Variants in NUB1 observed in about 807,000 individuals in gnomAD.
NUB1 encodes negative regulator of ubiquitin like proteins 1, also known as NEDD8 ultimate buster 1.
In NUB1, 41 loss-of-function variants were observed where a neutral mutation model predicts 77.1. That is an observed-to-expected ratio of 0.53 (90% confidence interval 0.41 to 0.69). The LOEUF is 0.69. Among genes scored for constraint, NUB1 ranks in the 30% least tolerant of loss-of-function variants. The probability of loss-of-function intolerance (pLI) is 0.00; values close to 1 mark genes in which losing one functional copy is unlikely to be tolerated. For missense variants in NUB1, 643 were observed against 743.8 expected, an observed-to-expected ratio of 0.86 and a Z score of 1.58; for synonymous variants, 257 against 281.0, an observed-to-expected ratio of 0.91 and a Z score of 0.85.
At chr7:151,345,079 C>G (rs1180257058) in intron 1 of NUB1, among the ~76,000 whole-genome samples, 2 of 152,066 alleles carry the variant, frequency 1.3e-5, no homozygotes, top group Non-Finnish European at 2.9e-5. Context: ...AAGAGAATAG[C>G]AGATTAAGAA....
intron 8 of NUB1, among the ~76,000 whole-genome samples, chr7:151,361,953 T>C (rs1292078282): frequency 6.6e-6 from 1 of 152,202 alleles, no homozygotes; most frequent in African/African-American, 2.4e-5. Flanking sequence ...TTTTTTATTA[T>C]GGAAAATTTC....
intron 7 of NUB1, among the ~76,000 whole-genome samples, chr7:151,359,679 A>G (rs1182244941): frequency 6.6e-6 from 1 of 152,056 alleles, no homozygotes; most frequent in Non-Finnish European, 1.5e-5. Context: ...CGGCAGGCTG[A>G]GGCAGGAGAA....
intron 3 of NUB1, chr7:151,351,151 G>A: frequency 2.5e-6 from 1 of 402,774 alleles, no homozygotes; most frequent in Non-Finnish European, 4.4e-6. Context: ...TGGTGGAAAT[G>A]TTCTGAAATG....
chr7:151,374,852 T>A lies in NUB1; in HGVS notation c.1395+609T>A, dbSNP rs113758600. On this transcript the variant is annotated intron_variant, in intron 12 of 14. Coordinates refer to ENST00000568733, the MANE Select transcript of NUB1 (RefSeq NM_001243351.2). ...CCCTCTGCCCTCTCGGCCCCGCAGG[T>A]CAGTGAGAGACAAACTCAGAGCACA... Among the ~76,000 whole-genome samples, 649 of 152,072 alleles carry A rather than the reference T, an allele frequency of 4.3e-3. 8 individuals are homozygous for A. Among genetic ancestry groups the A allele is most frequent in the African/African-American group, 0.015 (611 of 41,470 alleles).
rs1798149076 is a variant in NUB1 at position 151,375,043 on chromosome 7, G to A, written c.1395+800G>A. Reference sequence around the variant, plus strand: ...GCGGGGCTGGGGGGACAGAGATGGGGTTGGAGGGGGTGGGGTGCAGGGCAG... The same window carrying A: ...GCGGGGCTGGGGGGACAGAGATGGGATTGGAGGGGGTGGGGTGCAGGGCAG... On this transcript the variant is annotated intron_variant, in intron 12 of 14. Transcript: ENST00000568733. Among the ~76,000 whole-genome samples, 3 of 118,136 alleles carry A rather than the reference G, an allele frequency of 2.5e-5. 1 individual carries two copies. Among genetic ancestry groups the A allele is most frequent in the Non-Finnish European group, 5.3e-5 (3 of 56,804 alleles). 77.5% of individuals were successfully genotyped at this position (118,136 alleles called of 152,430 possible).
chr7:151,355,207 A>G (rs901071053), intron 5 of NUB1, among the ~76,000 whole-genome samples: 2 of 152,218 alleles, frequency 1.3e-5, no homozygotes, highest in African/African-American at 4.8e-5. Context: ...AGATTATCAA[A>G]TATCTGTTGC....
Position 151,377,412 on chromosome 7 carries a change from T to G in NUB1, c.*187T>G, listed in dbSNP as rs1227118069. On this transcript the variant is annotated 3_prime_UTR_variant, in exon 15 of 15. Coordinates refer to ENST00000568733, the MANE Select transcript of NUB1 (RefSeq NM_001243351.2). ...TCATGCGTGGTCTCGGGGAAGAAGC[T>G]TCCTCTGGCCTGGCGCAGGCCGTTC... 4 of 462,696 alleles carry G rather than the reference T, an allele frequency of 8.6e-6. No individual in the cohort carries two copies. The highest frequency in any genetic ancestry group is 7.6e-6 in the Non-Finnish European group (2 of 262,666). 28.7% of individuals were successfully genotyped at this position (462,696 alleles called of 1,614,324 possible). A position where few individuals can be genotyped will look rare whatever the true frequency, so the allele number is the denominator to read the frequency against.
intron 1 of NUB1, among the ~76,000 whole-genome samples, chr7:151,342,805 G>A (rs1237984918): frequency 2.6e-5 from 4 of 152,066 alleles, no homozygotes; most frequent in Non-Finnish European, 5.9e-5. Flanking sequence ...TCTGTCAAGT[G>A]GTGGCTTGGA....
intron 7 of NUB1, among the ~76,000 whole-genome samples, chr7:151,359,000 G>C (rs1797225142): frequency 6.6e-6 from 1 of 151,940 alleles, no homozygotes; most frequent in Non-Finnish European, 1.5e-5. Context: ...GGGAGGCAGA[G>C]GTTGCAGTGA....
chr7:151,357,608 GTT>G (rs111661341), intron 7 of NUB1, among the ~76,000 whole-genome samples: 15 of 143,174 alleles, frequency 1.0e-4, no homozygotes, highest in African/African-American at 2.8e-4. Flanking sequence ...AAAGATTAAA[GTT>G]TTTTTTTTTT....
chr7:151,373,568 C>T (rs1798055621), intron 11 of NUB1, among the ~76,000 whole-genome samples: 1 of 152,226 alleles, frequency 6.6e-6, no homozygotes. Flanking sequence ...CCTCAGAAGG[C>T]CCTGGAGTCC....
At chr7:151,343,990 G>A (rs1258114592) in intron 1 of NUB1, among the ~76,000 whole-genome samples, 1 of 151,622 alleles carries the variant, frequency 6.6e-6, no homozygotes, top group Non-Finnish European at 1.5e-5. Flanking sequence ...GACCATCCTG[G>A]CCAACACGGT....
intron 8 of NUB1, among the ~76,000 whole-genome samples, chr7:151,366,556 GC>G (rs1797695443): frequency 6.6e-6 from 1 of 152,030 alleles, no homozygotes; most frequent in Non-Finnish European, 1.5e-5. Context: ...CGTTGCTCTG[GC>G]CCAGGTGATG....
intron 7 of NUB1, among the ~76,000 whole-genome samples, chr7:151,357,183 ATTTTT>A (rs59119243): frequency 1.1e-4 from 15 of 134,408 alleles, no homozygotes; most frequent in Non-Finnish European, 8.0e-5. Context: ...TGTCCAGCTA[ATTTTT>A]TTTTTTTTTT....
At position 151,377,286 on chromosome 7, in the gene NUB1, A is replaced by G; in HGVS notation, c.*61A>G. The G allele has an allele frequency of 9.0e-7, 1 of 1,113,358 alleles. No individual in the cohort carries two copies. The highest frequency in any genetic ancestry group is 1.7e-5 in the South Asian group (1 of 58,614). 69.0% of individuals were successfully genotyped at this position (1,113,358 alleles called of 1,614,324 possible). A position where few individuals can be genotyped will look rare whatever the true frequency, so the allele number is the denominator to read the frequency against. ...AAATGCTATCATTATGAAAAGGCTA[A>G]TGCAGCTCTTTCTGTTCTTACTTTT... On this transcript the variant is annotated 3_prime_UTR_variant, in exon 15 of 15. Coordinates refer to ENST00000568733, the MANE Select transcript of NUB1 (RefSeq NM_001243351.2).
At chr7:151,365,210 TAA>T (rs1430147874) in intron 8 of NUB1, among the ~76,000 whole-genome samples, 1 of 152,034 alleles carries the variant, frequency 6.6e-6, no homozygotes, top group Admixed American at 6.5e-5. Flanking sequence ...TATATAATAA[TAA>T]GTGTTGATTT....
chr7:151,376,361 G>A (rs903832071), intron 13 of NUB1: 16 of 501,552 alleles, frequency 3.2e-5, no homozygotes, highest in East Asian at 9.9e-5. Context: ...CGCGGTGCTC[G>A]TGGTGAGGCT....
At chr7:151,352,619 A>T (rs896195246) in intron 4 of NUB1, among the ~76,000 whole-genome samples, 193 bp from the exon 5 acceptor site, 4 of 152,008 alleles carry the variant, frequency 2.6e-5, no homozygotes, top group African/African-American at 9.7e-5. Flanking sequence ...ATTTTTAAAA[A>T]TTTTTTGTAG....
chr7:151,349,262 G>T lies in NUB1; in HGVS notation c.285+22G>T, dbSNP rs367952673. ...AAAAGTGAGTAATTTCCCTAAATTTGAGTAGGCACTAATGTCCAGTTAGTG... is the reference window on the plus strand; with the variant it reads ...AAAAGTGAGTAATTTCCCTAAATTTTAGTAGGCACTAATGTCCAGTTAGTG... On this transcript the variant is annotated intron_variant, in intron 3 of 14. Transcript: ENST00000568733. 26 of 1,591,458 alleles carry T rather than the reference G, an allele frequency of 1.6e-5. No individual in the cohort carries two copies. The East Asian group carries it at 5.6e-4, about 34-fold the overall frequency.
Sources: gnomAD v4.1 joint callset for allele counts (sites outside exome capture counted in the v4.1 genomes callset) on GRCh38, gnomAD v4.1.1 for gene constraint, MANE v1.5 for transcripts, NCBI Gene and HGNC (gene_info 2026-07-23, HGNC 2026-07-21) for gene names.